Variants in LRMDA observed in about 807,000 individuals in gnomAD.
LRMDA encodes the protein leucine-rich melanocyte differentiation-associated protein.
LRMDA carries 18 observed loss-of-function variants against 29.8 expected under a neutral mutation model. That is an observed-to-expected ratio of 0.60 (90% CI 0.42 to 0.90). LRMDA has a LOEUF of 0.90. Among genes scored for constraint, LRMDA ranks in the 40% least tolerant of loss-of-function variants. LRMDA has a pLI of 0.00. For synonymous variants in LRMDA, 125 were observed against 109.4 expected, an observed-to-expected ratio of 1.14 and a Z score of -0.89; for missense variants, 273 against 273.9, an observed-to-expected ratio of 1.00 and a Z score of 0.02.
At chr10:76,429,769 C>T (rs1038213004) in intron 6 of LRMDA, among the ~76,000 whole-genome samples, 7 of 152,108 alleles carry the variant, frequency 4.6e-5, no homozygotes, top group Admixed American at 2.0e-4. Flanking sequence ...ATAGATCAGC[C>T]ATGGGGGCCT....
At chr10:76,196,010 A>G (rs759725618) in intron 5 of LRMDA, among the ~76,000 whole-genome samples, 3 of 152,228 alleles carry the variant, frequency 2.0e-5, no homozygotes, top group Non-Finnish European at 4.4e-5. Flanking sequence ...CTTCATTTGC[A>G]TGAAAACGAT....
At chr10:75,719,806 A>C (rs915610920) in intron 2 of LRMDA, among the ~76,000 whole-genome samples, 1 of 152,168 alleles carries the variant, frequency 6.6e-6, no homozygotes, top group Non-Finnish European at 1.5e-5. Flanking sequence ...GTCTTTAAGA[A>C]CTTTAATTTC....
At chr10:76,043,035 C>T (rs1202560283) in intron 3 of LRMDA, among the ~76,000 whole-genome samples, 1 of 151,782 alleles carries the variant, frequency 6.6e-6, no homozygotes. Flanking sequence ...ATTAGGAGTT[C>T]GAGACGAACC....
chr10:75,867,544 G>A (rs1845041705), intron 2 of LRMDA, among the ~76,000 whole-genome samples: 1 of 152,184 alleles, frequency 6.6e-6, no homozygotes, highest in South Asian at 2.1e-4. Context: ...CAGTAGGGAA[G>A]GGTGAGGGGT....
At chr10:76,129,047 A>G (rs1285999312) in intron 5 of LRMDA, among the ~76,000 whole-genome samples, 6 of 152,194 alleles carry the variant, frequency 3.9e-5, no homozygotes, top group African/African-American at 1.4e-4. Context: ...GCTTCTCAGC[A>G]TCTCCCACTC....
chr10:76,235,475 A>G (rs895423551), intron 5 of LRMDA, among the ~76,000 whole-genome samples: 1 of 152,158 alleles, frequency 6.6e-6, no homozygotes, highest in African/African-American at 2.4e-5. Flanking sequence ...CAAATCCTTC[A>G]GTTTGTAGAA....
chr10:75,544,439 A>G (rs889994826), intron 2 of LRMDA, among the ~76,000 whole-genome samples: 3 of 152,206 alleles, frequency 2.0e-5, no homozygotes, highest in South Asian at 4.1e-4. Context: ...GAACCTAACC[A>G]TTATAGCATT....
chr10:75,451,234 CGTGA>C (rs1329896481), intron 2 of LRMDA: 2 of 152,190 alleles, frequency 1.3e-5, no homozygotes, highest in South Asian at 2.1e-4. Context: ...GTAGATACTG[CGTGA>C]GTGTGTCATG....
chr10:75,673,934 A>G (rs1329501191), intron 2 of LRMDA, among the ~76,000 whole-genome samples: 1 of 152,192 alleles, frequency 6.6e-6, no homozygotes, highest in Non-Finnish European at 1.5e-5. Context: ...CATAGTAGGA[A>G]TGTAACAAAT....
At chr10:75,714,110 A>G (rs762050622) in intron 2 of LRMDA, among the ~76,000 whole-genome samples, 5 of 152,198 alleles carry the variant, frequency 3.3e-5, no homozygotes, top group Admixed American at 6.5e-5. Flanking sequence ...CCCAGAATGC[A>G]TGAACAGCTG....
intron 6 of LRMDA, among the ~76,000 whole-genome samples, chr10:76,372,213 G>A (rs1395954595): frequency 2.0e-5 from 3 of 152,158 alleles, no homozygotes; most frequent in Non-Finnish European, 4.4e-5. Context: ...AGCCATCTGA[G>A]TACACTACCA....
rs561318997 is a variant in LRMDA at position 75,767,900 on chromosome 10, G to A, written c.132-268108G>A. Among the ~76,000 whole-genome samples the A allele has an allele frequency of 1.2e-3, 180 of 152,286 alleles. 1 individual carries two copies. Among genetic ancestry groups the A allele is most frequent in the African/African-American group, 3.8e-3 (158 of 41,542 alleles). On this transcript the variant is annotated intron_variant, in intron 2 of 6. Coordinates refer to ENST00000611255, the MANE Select transcript of LRMDA (RefSeq NM_001305581.2). Reference sequence around the variant, plus strand: ...GAGAGAGGCAGAGGGAAATTTGACCGAGACATGGCAAAGAAAGTGATGTAA... The same window carrying A: ...GAGAGAGGCAGAGGGAAATTTGACCAAGACATGGCAAAGAAAGTGATGTAA...
intron 5 of LRMDA, among the ~76,000 whole-genome samples, chr10:76,247,520 C>G (rs1852397992): frequency 6.6e-6 from 1 of 152,208 alleles, no homozygotes; most frequent in South Asian, 2.1e-4. Flanking sequence ...GCGGATAAAA[C>G]TGGAATACTC....
chr10:76,517,400 T>G (rs552279084), intron 6 of LRMDA, among the ~76,000 whole-genome samples: 1 of 152,262 alleles, frequency 6.6e-6, no homozygotes, highest in African/African-American at 2.4e-5. Flanking sequence ...AAGGCAGATT[T>G]CTTGGCATCA....
intron 2 of LRMDA, among the ~76,000 whole-genome samples, chr10:75,592,851 A>G (rs927702018): frequency 6.6e-6 from 1 of 152,178 alleles, no homozygotes; most frequent in Non-Finnish European, 1.5e-5. Flanking sequence ...ACAGATGCCT[A>G]GTTTTAAAGT....
intron 2 of LRMDA, among the ~76,000 whole-genome samples, chr10:75,974,943 A>G (rs1258277854): frequency 1.3e-5 from 2 of 152,244 alleles, no homozygotes; most frequent in Non-Finnish European, 2.9e-5. Flanking sequence ...TCACTTGTGT[A>G]TTTAAAAACC....
chr10:75,767,761 G>A (rs898162924), intron 2 of LRMDA, among the ~76,000 whole-genome samples: 1 of 152,172 alleles, frequency 6.6e-6, no homozygotes, highest in African/African-American at 2.4e-5. Flanking sequence ...CTAACCCCTG[G>A]AACAGTAAGT....
intron 5 of LRMDA, among the ~76,000 whole-genome samples, chr10:76,227,897 C>A (rs1266358382): frequency 6.6e-6 from 1 of 152,134 alleles, no homozygotes; most frequent in African/African-American, 2.4e-5. Context: ...TACCCACAGA[C>A]CACATAGATA....
At chr10:76,177,769 A>G (rs1441905259) in intron 5 of LRMDA, among the ~76,000 whole-genome samples, 1 of 152,254 alleles carries the variant, frequency 6.6e-6, no homozygotes, top group East Asian at 1.9e-4. Context: ...GGGGAGAGGG[A>G]AAGAGAACCA....
Sources: gnomAD v4.1 joint callset for allele counts (sites outside exome capture counted in the v4.1 genomes callset) on GRCh38, gnomAD v4.1.1 for gene constraint, MANE v1.5 for transcripts, NCBI Gene and HGNC (gene_info 2026-07-23, HGNC 2026-07-21) for gene names.